Variants in LY6S observed in about 807,000 individuals in gnomAD.
LY6S encodes the protein lymphocyte antigen 6 family member S.
At chr8:143,067,832 C>T in the LY6S span, among the ~76,000 whole-genome samples, 4 of 152,220 alleles carry the variant, frequency 2.6e-5, no homozygotes, top group Non-Finnish European at 5.9e-5. Flanking sequence ...CTCAGTGTAG[C>T]AAAGAGTAAC....
chr8:143,074,664 T>G, the LY6S span, among the ~76,000 whole-genome samples: 7 of 152,320 alleles, frequency 4.6e-5, no homozygotes, highest in African/African-American at 1.7e-4. Context: ...TACAAGAATA[T>G]TGTAAAGCAT....
At chr8:143,054,710 C>G in the LY6S span, among the ~76,000 whole-genome samples, 3 of 152,208 alleles carry the variant, frequency 2.0e-5, no homozygotes, top group East Asian at 5.8e-4. Context: ...ACGTCTCCCC[C>G]TTTTCCCACG....
the LY6S span, chr8:143,043,211 A>C: frequency 7.3e-7 from 1 of 1,367,626 alleles, no homozygotes; most frequent in Non-Finnish European, 9.8e-7. Flanking sequence ...GGACCACCGC[A>C]TTGCAGAGGT....
At chr8:143,070,444 T>TATACA in the LY6S span, among the ~76,000 whole-genome samples, 4 of 56,550 alleles carry the variant, frequency 7.1e-5, no homozygotes, top group African/African-American at 1.4e-4. Context: ...TATATATATA[T>TATACA]TGTATATATA....
At chr8:143,048,828 T>A in the LY6S span, among the ~76,000 whole-genome samples, 2 of 152,204 alleles carry the variant, frequency 1.3e-5, no homozygotes. Flanking sequence ...TTATGCATTT[T>A]CCACCTCCTT....
chr8:143,052,053 G>A, the LY6S span, among the ~76,000 whole-genome samples: 30 of 151,872 alleles, frequency 2.0e-4, no homozygotes, highest in African/African-American at 6.5e-4. Flanking sequence ...AAGCTGAGGC[G>A]GGCAGATCAC....
chr8:143,065,977 T>C, the LY6S span: 97 of 333,070 alleles, frequency 2.9e-4, no homozygotes, highest in Non-Finnish European at 4.8e-4. Context: ...GGCGGGGGTG[T>C]TCGGTCCTTG....
the LY6S span, among the ~76,000 whole-genome samples, chr8:143,052,646 G>C: frequency 6.6e-6 from 1 of 152,098 alleles, no homozygotes; most frequent in Admixed American, 6.6e-5. Context: ...GGCCTCCCCC[G>C]CTCCTTGCAG....
At chr8:143,060,647 C>T in the LY6S span, among the ~76,000 whole-genome samples, 2 of 152,176 alleles carry the variant, frequency 1.3e-5, no homozygotes, top group African/African-American at 2.4e-5. Flanking sequence ...AACGGCACGG[C>T]CAGGCATTCA....
the LY6S span, among the ~76,000 whole-genome samples, chr8:143,048,694 T>C: frequency 1.3e-5 from 2 of 152,124 alleles, no homozygotes; most frequent in African/African-American, 2.4e-5. Context: ...GGTCTCGAAC[T>C]GCTGACCTCA....
At chr8:143,073,518 A>G in the LY6S span, among the ~76,000 whole-genome samples, 5,913 of 37,620 alleles carry the variant, frequency 0.16, 203 homozygotes, top group East Asian at 0.31. Flanking sequence ...CCTGTTTGAG[A>G]AGACAGCCAT....
the LY6S span, among the ~76,000 whole-genome samples, chr8:143,069,370 T>C: frequency 1.3e-5 from 2 of 152,296 alleles, no homozygotes; most frequent in Admixed American, 1.3e-4. Context: ...TGAAATACAC[T>C]CCTCATCCCT....
the LY6S span, chr8:143,053,771 G>A: frequency 6.6e-6 from 1 of 152,202 alleles, no homozygotes; most frequent in African/African-American, 2.4e-5. Context: ...AGTCAGTGTA[G>A]CTGAAACTTT....
the LY6S span, among the ~76,000 whole-genome samples, chr8:143,063,463 C>T: frequency 6.6e-6 from 1 of 152,212 alleles, no homozygotes; most frequent in African/African-American, 2.4e-5. Context: ...TAAGGGCAAT[C>T]AGTTCTGCCT....
the LY6S span, among the ~76,000 whole-genome samples, chr8:143,070,526 G>A: frequency 4.0e-5 from 5 of 125,624 alleles, no homozygotes; most frequent in Admixed American, 1.8e-4. Context: ...TCGCCCTGTC[G>A]CCCAGGCTGG....
chr8:143,046,765 C>T, the LY6S span, among the ~76,000 whole-genome samples: 1 of 151,814 alleles, frequency 6.6e-6, no homozygotes, highest in Non-Finnish European at 1.5e-5. Flanking sequence ...TTTGGGAGAC[C>T]GAGGCAGGTG....
the LY6S span, chr8:143,054,329 G>C: frequency 7.5e-6 from 1 of 133,758 alleles, no homozygotes; most frequent in Non-Finnish European, 1.6e-5. Flanking sequence ...AAAAAAAAGA[G>C]AGAGAACTAC....
chr8:143,057,250 A>T, the LY6S span: 27 of 183,362 alleles, frequency 1.5e-4, no homozygotes, highest in Non-Finnish European at 1.5e-4. Flanking sequence ...TATTATTATT[A>T]TTTTTATTTT....
chr8:143,043,063 A>G, the LY6S span: 5 of 1,367,888 alleles, frequency 3.7e-6, no homozygotes, highest in Non-Finnish European at 4.9e-6. Flanking sequence ...AAAACCAAGC[A>G]GCTGGTGACG....
Sources: gnomAD v4.1 joint callset for allele counts (sites outside exome capture counted in the v4.1 genomes callset) on GRCh38, gnomAD v4.1.1 for gene constraint, MANE v1.5 for transcripts, NCBI Gene and HGNC (gene_info 2026-07-23, HGNC 2026-07-21) for gene names.